DNAJC10: variants seen among roughly 807,000 people sequenced by gnomAD.
The protein encoded by DNAJC10 is endoplasmic reticulum disulfide reductase DNAJC10.
In DNAJC10, 101 loss-of-function variants were observed where a neutral mutation model predicts 115.0. The ratio of observed to expected loss-of-function variants is 0.88; its 90% confidence interval spans 0.75 to 1.04. The LOEUF (loss-of-function observed/expected upper bound fraction) is 1.04. Ranked by LOEUF, DNAJC10 falls within the 50% of genes least tolerant of loss-of-function variation. The pLI is 0.00. For missense variants in DNAJC10, 981 were observed against 928.8 expected, an observed-to-expected ratio of 1.06 and a Z score of -0.73; for synonymous variants, 307 against 301.5, an observed-to-expected ratio of 1.02 and a Z score of -0.19.
At chr2:182,733,540 A>C in intron 10 of DNAJC10, among the ~76,000 whole-genome samples, 1 of 151,616 alleles carries the variant, frequency 6.6e-6, no homozygotes. Flanking sequence ...TGGTGATCAG[A>C]GTGATTGGCC....
At chr2:182,748,580 C>T (rs1401094072) in intron 14 of DNAJC10, among the ~76,000 whole-genome samples, 1 of 151,990 alleles carries the variant, frequency 6.6e-6, no homozygotes, top group Non-Finnish European at 1.5e-5. Flanking sequence ...GGTGATATCC[C>T]CTTTATCATT....
intron 14 of DNAJC10, among the ~76,000 whole-genome samples, chr2:182,750,062 C>A (rs1453488548): frequency 6.6e-6 from 1 of 152,020 alleles, no homozygotes; most frequent in African/African-American, 2.4e-5. Context: ...GTGATAGTAA[C>A]AGAGATGAAG....
Position 182,786,338 on chromosome 2 carries a change from T to C in DNAJC10, c.*9206T>C, listed in dbSNP as rs942563994. The C allele has an allele frequency of 3.9e-5, 6 of 152,170 alleles. No homozygotes were observed. The highest frequency in any genetic ancestry group is 5.9e-5 in the Non-Finnish European group (4 of 68,030). The allele number at this position is 152,170 out of a possible 1,614,324, so 9.4% of individuals were successfully genotyped here. ...ATTCATTTTCTTTTCATTACTTCCT[T>C]TCAGCGTGGAGCCTGAGCATCATTT... On this transcript the variant is annotated 3_prime_UTR_variant, in exon 24 of 24. Transcript: ENST00000264065.
intron 5 of DNAJC10, among the ~76,000 whole-genome samples, chr2:182,726,414 T>C (rs977903464): frequency 2.0e-5 from 3 of 152,150 alleles, no homozygotes; most frequent in African/African-American, 7.2e-5. Flanking sequence ...ACAATGTTGA[T>C]ATGACAACAA....
rs151332095 is a variant in DNAJC10 at position 182,724,800 on chromosome 2, A to C, written c.418+2725A>C. ...CACTGTTAGGCACAACATCCCATTG[A>C]GCTGTGATGATACAGTATTTAAAAT... On this transcript the variant is annotated intron_variant, in intron 5 of 23. Coordinates refer to ENST00000264065, the MANE Select transcript of DNAJC10 (RefSeq NM_018981.4). 1.8e-3 allele frequency among the ~76,000 whole-genome samples: 270 copies of C among 152,306 alleles called. 2 individuals carry two copies. The highest frequency in any genetic ancestry group is 6.2e-3 in the African/African-American group (257 of 41,582).
intron 22 of DNAJC10, among the ~76,000 whole-genome samples, chr2:182,767,193 G>A (rs185244554): frequency 4.6e-5 from 7 of 152,202 alleles, no homozygotes; most frequent in South Asian, 2.1e-4. Flanking sequence ...AGGATACCAC[G>A]CAGAGCGTAC....
chr2:182,725,280 A>G, intron 5 of DNAJC10, among the ~76,000 whole-genome samples: 1 of 152,146 alleles, frequency 6.6e-6, no homozygotes. Context: ...ACTGAAATTA[A>G]GCCAATTAAT....
intron 21 of DNAJC10, 119 bp downstream of exon 21, chr2:182,759,426 A>G (rs1694237541): frequency 2.1e-6 from 2 of 933,546 alleles, no homozygotes; most frequent in African/African-American, 1.7e-5. Context: ...GAATTTAAAA[A>G]TAGCTATTAT....
chr2:182,739,319 G>A (rs1349919127), intron 11 of DNAJC10, among the ~76,000 whole-genome samples: 1 of 149,548 alleles, frequency 6.7e-6, no homozygotes, highest in Non-Finnish European at 1.5e-5. Flanking sequence ...TTCTTATGTT[G>A]TACCTATTAT....
intron 5 of DNAJC10, among the ~76,000 whole-genome samples, chr2:182,722,882 G>A (rs1276666102): frequency 6.6e-6 from 1 of 152,050 alleles, no homozygotes; most frequent in Non-Finnish European, 1.5e-5. Context: ...TGATATTGCA[G>A]TGAGCCATGA....
rs1363315284 is a variant in DNAJC10 at position 182,728,926 on chromosome 2, G to A, written c.565G>A (p.Asp189Asn). ...LRIGAVNCGD[D>N]RMLCRMKGVN... Reference sequence around the variant, plus strand: ...AATTGGAGCTGTTAACTGTGGTGATGATAGAATGCTTTGCCGAATGAAAGG... The same window carrying A: ...AATTGGAGCTGTTAACTGTGGTGATAATAGAATGCTTTGCCGAATGAAAGG... The change falls in exon 7 of 24, where the codon GAT becomes AAT. Residue 189 changes from aspartate to asparagine, a missense_variant. Physicochemically the swap from Asp to Asn is conservative, Grantham distance 23. Coordinates refer to ENST00000264065, the MANE Select transcript of DNAJC10 (RefSeq NM_018981.4). The A allele has an allele frequency of 6.2e-7, 1 of 1,614,046 alleles. No individual in the cohort carries two copies.
rs1695054965 is a variant in DNAJC10 at position 182,791,794 on chromosome 2, TG to T, written c.*14663del. ...ATTTCAGTCACATGTTTCTAATACA[TG>T]ATAAGATTTGCAGTTATCGTTTAAT... On this transcript the variant is annotated 3_prime_UTR_variant, in exon 24 of 24. Coordinates refer to ENST00000264065, the MANE Select transcript of DNAJC10 (RefSeq NM_018981.4). 2.6e-5 allele frequency: 4 copies of T among 152,192 alleles called. No individual in the cohort carries two copies. In the East Asian group the frequency reaches 7.7e-4, roughly 29 times the overall value. 9.4% of individuals were successfully genotyped at this position (152,192 alleles called of 1,614,324 possible).
rs982280531 is a variant in DNAJC10 at position 182,792,368 on chromosome 2, T to G, written c.*15236T>G. On this transcript the variant is annotated 3_prime_UTR_variant, in exon 24 of 24. Transcript: ENST00000264065. The stretch of plus-strand genomic sequence containing the variant: ...TAACATTTTGAGGTACAAAAAATAA[T>G]GAAGAGGATATATTCCAATTTCTTT... 1 of 152,160 alleles carries G rather than the reference T, an allele frequency of 6.6e-6. No homozygotes were observed. Among genetic ancestry groups the G allele is most frequent in the Non-Finnish European group, 1.5e-5 (1 of 68,012 alleles). The allele number at this position is 152,160 out of a possible 1,614,324, so 9.4% of individuals were successfully genotyped here.
intron 14 of DNAJC10, among the ~76,000 whole-genome samples, chr2:182,748,457 G>A (rs571404964): frequency 7.2e-5 from 11 of 152,230 alleles, no homozygotes; most frequent in Admixed American, 2.6e-4. Context: ...GTTTAGTCTT[G>A]GGATAGTGTA....
chr2:182,749,590 TG>T (rs1693963503), intron 14 of DNAJC10, among the ~76,000 whole-genome samples: 1 of 151,902 alleles, frequency 6.6e-6, no homozygotes, highest in Non-Finnish European at 1.5e-5. Context: ...AGCAGACTGA[TG>T]GGTCTTGACT....
chr2:182,772,440 G>A (rs557484223), intron 22 of DNAJC10, among the ~76,000 whole-genome samples: 10 of 152,126 alleles, frequency 6.6e-5, no homozygotes, highest in Non-Finnish European at 1.3e-4. Context: ...TTATTATTGT[G>A]TGGGAGTCTA....
chr2:182,762,667 A>G lies in DNAJC10; in HGVS notation c.2146-15A>G, dbSNP rs368437433. 2 of 1,610,918 alleles carry G rather than the reference A, an allele frequency of 1.2e-6. No individual in the cohort carries two copies. The highest frequency in any genetic ancestry group is 1.3e-5 in the African/African-American group (1 of 74,780). On this transcript the variant is annotated splice_polypyrimidine_tract_variant and intron_variant, in intron 21 of 23. Transcript: ENST00000264065. ...TGCCAAACAGAAAATGGCAAACTGT[A>G]TTTTTCTTTTTCAGATGATTAAAGG...
At chr2:182,764,473 T>C (rs538515994) in intron 22 of DNAJC10, among the ~76,000 whole-genome samples, 1 of 152,278 alleles carries the variant, frequency 6.6e-6, no homozygotes, top group East Asian at 1.9e-4. Flanking sequence ...GGTGGAATCC[T>C]CTTCCTAGCT....
chr2:182,745,600 T>G (rs1439655698), intron 14 of DNAJC10, among the ~76,000 whole-genome samples: 2 of 152,024 alleles, frequency 1.3e-5, no homozygotes, highest in Admixed American at 6.6e-5. Context: ...TACTGAGGAA[T>G]AGGAAAAAAT....
Sources: allele counts gnomAD v4.1 joint callset (sites outside exome capture counted in the v4.1 genomes callset), GRCh38; gene constraint gnomAD v4.1.1; transcripts MANE v1.5; gene names NCBI Gene and HGNC (gene_info 2026-07-23, HGNC 2026-07-21).